The following MAP4 variants were observed in gnomAD, a reference collection of about 807,000 sequenced individuals.
MAP4 encodes the protein microtubule associated protein 4.
In MAP4, 76 loss-of-function variants were observed where a neutral mutation model predicts 170.2. That is an observed-to-expected ratio of 0.45 (90% CI 0.37 to 0.54). The LOEUF is 0.54. Among genes scored for constraint, MAP4 ranks in the 20% least tolerant of loss-of-function variants. The pLI is 0.00. For synonymous variants in MAP4, 909 were observed against 994.5 expected (o/e 0.91, Z 1.62); for missense variants, 2,506 against 2,748.0 (o/e 0.91, Z 1.97).
chr3:48,047,457 T>C (rs1223798607), intron 1 of MAP4, among the ~76,000 whole-genome samples: 4 of 151,974 alleles, frequency 2.6e-5, no homozygotes, highest in African/African-American at 9.7e-5. Flanking sequence ...AGTCTTCGTT[T>C]AGGGGTGGGG....
intron 1 of MAP4, among the ~76,000 whole-genome samples, chr3:48,082,063 T>C (rs1437437620): frequency 6.6e-6 from 1 of 152,156 alleles, no homozygotes; most frequent in African/African-American, 2.4e-5. Flanking sequence ...TACTGGATTA[T>C]AAGCAAAGAA....
At chr3:47,893,846 G>A (rs1342904553) in intron 10 of MAP4, among the ~76,000 whole-genome samples, 1 of 151,738 alleles carries the variant, frequency 6.6e-6, no homozygotes, top group Non-Finnish European at 1.5e-5. Flanking sequence ...AGAAAAAAGG[G>A]CAAGTTAAGA....
intron 1 of MAP4, among the ~76,000 whole-genome samples, chr3:48,068,991 T>C (rs2100139726): frequency 1.3e-5 from 2 of 152,198 alleles, no homozygotes; most frequent in Non-Finnish European, 2.9e-5. Context: ...CTTACCACAG[T>C]GTATGCACCT....
intron 3 of MAP4, among the ~76,000 whole-genome samples, chr3:47,952,627 A>G (rs920870696): frequency 6.6e-6 from 1 of 151,802 alleles, no homozygotes; most frequent in Admixed American, 6.6e-5. Flanking sequence ...GTGTCCACTC[A>G]GGGTTAAATG....
At chr3:47,882,753 T>C (rs2096957527) in intron 10 of MAP4, among the ~76,000 whole-genome samples, 1 of 152,118 alleles carries the variant, frequency 6.6e-6, no homozygotes, top group South Asian at 2.1e-4. Context: ...TTTTACTACT[T>C]TGAGTGACCT....
rs1188586348 is a variant in MAP4, at chr3:47,851,609, C to T, written c.*1325G>A. 1 of 152,176 alleles carries T rather than the reference C, an allele frequency of 6.6e-6. No homozygotes were observed. The highest frequency in any genetic ancestry group is 1.9e-4 in the East Asian group (1 of 5,204). 9.4% of individuals were successfully genotyped at this position (152,176 alleles called of 1,614,324 possible). A position where few individuals can be genotyped will look rare whatever the true frequency, so the allele number is the denominator to read the frequency against. On this transcript the variant is annotated 3_prime_UTR_variant, in exon 21 of 21. Transcript: ENST00000683076. The stretch of plus-strand genomic sequence containing the variant: ...CATGCAAACTTTAATACAAAAAATA[C>T]AAGTGCAATAAGAATCTTTGTGTCA...
intron 9 of MAP4, among the ~76,000 whole-genome samples, chr3:47,905,258 T>C (rs1281967051): frequency 1.3e-5 from 2 of 152,134 alleles, no homozygotes; most frequent in Non-Finnish European, 2.9e-5. Flanking sequence ...GTGGATTAAT[T>C]TTTCTTCTAC....
At chr3:47,857,292 G>T in intron 18 of MAP4, 139 bp downstream of exon 18, 2 of 680,914 alleles carry the variant, frequency 2.9e-6, no homozygotes, top group East Asian at 5.1e-5. Context: ...ACAGAATGAG[G>T]ACTGTGGTGT....
chr3:48,017,274 T>C (rs545941847), upstream of MAP4, among the ~76,000 whole-genome samples: 15 of 152,288 alleles, frequency 9.8e-5, no homozygotes, highest in Middle Eastern at 0.017. Flanking sequence ...TTTTGTAGTT[T>C]CTGCTTTTAT....
In MAP4 at chr3:47,916,259, G is replaced by A. The variant is rs1015114237; in HGVS notation, c.1568C>T (p.Pro523Leu). The change falls in exon 7 of 21, where the codon CCT (proline) becomes CTT (leucine). Residue 523 changes from proline to leucine, a missense_variant. Transcript: ENST00000683076. ...GATGAGAACTACTTCTGTTTCTGGAGGTGGAGTCACATCCTTGCCCAGAGC... is the reference window on the plus strand; with the variant it reads ...GATGAGAACTACTTCTGTTTCTGGAAGTGGAGTCACATCCTTGCCCAGAGC... ...EMALGKDVTP[P>L]PETEVVLIKN... 17 of 1,614,158 alleles carry A rather than the reference G, an allele frequency of 1.1e-5. No individual in the cohort carries two copies. Among genetic ancestry groups the A allele is most frequent in the Non-Finnish European group, 1.4e-5 (16 of 1,179,970 alleles).
At chr3:48,035,492 G>C (rs1265135067) in intron 1 of MAP4, among the ~76,000 whole-genome samples, 1 of 151,932 alleles carries the variant, frequency 6.6e-6, no homozygotes, top group African/African-American at 2.4e-5. Flanking sequence ...AAATTAGCCA[G>C]GCATGGTGGT....
At chr3:48,047,936 A>C (rs2100125446) in intron 1 of MAP4, among the ~76,000 whole-genome samples, 1 of 152,228 alleles carries the variant, frequency 6.6e-6, no homozygotes, top group South Asian at 2.1e-4. Flanking sequence ...TCACTTAAAA[A>C]ATAAAGAGAC....
intron 1 of MAP4, among the ~76,000 whole-genome samples, chr3:48,086,841 C>T (rs1211396350): frequency 6.6e-6 from 1 of 152,142 alleles, no homozygotes; most frequent in Non-Finnish European, 1.5e-5. Context: ...TCTGGTTTAT[C>T]AGTCTCTGGT....
chr3:47,983,361 C>T (rs190445355), intron 2 of MAP4, among the ~76,000 whole-genome samples: 14 of 151,948 alleles, frequency 9.2e-5, no homozygotes, highest in East Asian at 1.9e-4. Context: ...AGGTGTGCAC[C>T]GCCACAGTTG....
At chr3:47,930,923 T>C (rs2100049432) in intron 3 of MAP4, among the ~76,000 whole-genome samples, 1 of 147,372 alleles carries the variant, frequency 6.8e-6, no homozygotes, top group African/African-American at 2.5e-5. Flanking sequence ...AGCGAGACTC[T>C]GTCTAAAAAA....
upstream of MAP4, among the ~76,000 whole-genome samples, chr3:48,017,560 C>G (rs150035876): frequency 4.0e-3 from 611 of 151,762 alleles, 1 homozygote; most frequent in Non-Finnish European, 6.7e-3. Flanking sequence ...TCCTATCACC[C>G]ACCATAATCA....
chr3:47,973,250 T>C (rs2100079835), intron 3 of MAP4: 1 of 980,498 alleles, frequency 1.0e-6, no homozygotes, highest in South Asian at 4.7e-5. Flanking sequence ...TCTTCAACAT[T>C]GGGCCAAAAA....
At chr3:48,059,219 T>C (rs2100133847) in intron 1 of MAP4, among the ~76,000 whole-genome samples, 1 of 151,564 alleles carries the variant, frequency 6.6e-6, no homozygotes, top group African/African-American at 2.4e-5. Flanking sequence ...CAGATAATGA[T>C]AAAAACCCAA....
chr3:47,966,228 C>CTTTTTTTTTTTTTTTTTTTTTTTTTTTTT, intron 3 of MAP4, among the ~76,000 whole-genome samples: 1 of 50,220 alleles, frequency 2.0e-5, no homozygotes, highest in Non-Finnish European at 3.6e-5. Flanking sequence ...CCCACACTAC[C>CTTTTTTTTTTTTTTTTTTTTTTTTTTTTT]TTTTTTTTTT....
Sources: allele counts gnomAD v4.1 joint callset (sites outside exome capture counted in the v4.1 genomes callset), GRCh38; gene constraint gnomAD v4.1.1; transcripts MANE v1.5; gene names NCBI Gene and HGNC (gene_info 2026-07-23, HGNC 2026-07-21).